EIF2AK4: variants seen among roughly 807,000 people sequenced by gnomAD.
EIF2AK4 encodes eukaryotic translation initiation factor 2 alpha kinase 4.
In EIF2AK4, 139 loss-of-function variants were observed where a neutral mutation model predicts 211.1. That is an observed-to-expected ratio of 0.66 (90% CI 0.57 to 0.76). The LOEUF is 0.76. Ranked by LOEUF, EIF2AK4 falls within the 30% of genes least tolerant of loss-of-function variation. The pLI is 0.00. For missense variants in EIF2AK4, 1,664 were observed against 2,043.8 expected, an observed-to-expected ratio of 0.81 and a Z score of 3.58; for synonymous variants, 710 against 751.3, an observed-to-expected ratio of 0.94 and a Z score of 0.90.
chr15:40,032,659 T>G, intron 36 of EIF2AK4, 98 bp from the exon 37 acceptor site: 2 of 1,127,338 alleles, frequency 1.8e-6, no homozygotes, highest in Non-Finnish European at 2.6e-6. Flanking sequence ...TCTCAGACTC[T>G]GCAAACCCTA....
intron 32 of EIF2AK4, among the ~76,000 whole-genome samples, chr15:40,024,591 G>C (rs1595436508): frequency 6.6e-6 from 1 of 150,950 alleles, no homozygotes. Context: ...GTAGAGACAG[G>C]GTTTCACCAT....
chr15:39,987,949 T>G, intron 14 of EIF2AK4, 34 bp from the exon 15 acceptor site: 1 of 1,610,042 alleles, frequency 6.2e-7, no homozygotes. Flanking sequence ...AAAACTGTTG[T>G]GTAATCAAAT....
intron 1 of EIF2AK4, among the ~76,000 whole-genome samples, chr15:39,938,966 C>T (rs1261169797): frequency 6.6e-6 from 1 of 152,188 alleles, no homozygotes; most frequent in African/African-American, 2.4e-5. Context: ...AAAACATATG[C>T]AATTCTCTCC....
chr15:39,969,078 T>C (rs16970098), intron 9 of EIF2AK4, among the ~76,000 whole-genome samples: 10,771 of 152,100 alleles, frequency 0.071, 739 homozygotes, highest in Admixed American at 0.2. Context: ...AAATGACAAA[T>C]ATGATGATAG....
chr15:39,973,693 A>G lies in EIF2AK4; in HGVS notation c.1762A>G (p.Ile588Val). The change falls in exon 11 of 39, where the codon ATT (isoleucine) becomes GTT (valine). Residue 588 changes from isoleucine to valine, a missense_variant. Transcript: ENST00000263791. ...ACAGAGACAGTTTTCCCGATACTTCATTGAGTTTGAAGAATTACAACTTCT... is the reference window on the plus strand; with the variant it reads ...ACAGAGACAGTTTTCCCGATACTTCGTTGAGTTTGAAGAATTACAACTTCT... ...ETQRQFSRYF[I>V]EFEELQLLGK... The G allele has an allele frequency of 1.2e-6, 2 of 1,614,168 alleles. No individual in the cohort carries two copies. Among genetic ancestry groups the G allele is most frequent in the Non-Finnish European group, 1.7e-6 (2 of 1,179,998 alleles).
chr15:40,026,118 G>A, intron 33 of EIF2AK4, 29 bp downstream of exon 33: 1 of 1,586,868 alleles, frequency 6.3e-7, no homozygotes, highest in Non-Finnish European at 8.6e-7. Context: ...GCCGAGAAAA[G>A]TGACTTCAGT....
At chr15:39,978,581 T>C (rs898378857) in intron 13 of EIF2AK4, among the ~76,000 whole-genome samples, 2 of 152,242 alleles carry the variant, frequency 1.3e-5, no homozygotes, top group African/African-American at 4.8e-5. Flanking sequence ...AACAGTGTTT[T>C]CACACTGTGT....
At chr15:40,020,832 A>T (rs2035377005) in intron 30 of EIF2AK4, 67 bp from the exon 31 acceptor site, 1 of 1,439,868 alleles carries the variant, frequency 6.9e-7, no homozygotes, top group Admixed American at 2.1e-5. Context: ...TCCCCTCCTG[A>T]TGCTGGTTTC....
At chr15:39,954,081 T>TA in intron 5 of EIF2AK4, 97 bp downstream of exon 5, 1 of 1,015,520 alleles carries the variant, frequency 9.8e-7, no homozygotes, top group Non-Finnish European at 1.4e-6. Flanking sequence ...TAATACAGCT[T>TA]AAAATAAAGC....
At position 39,998,664 on chromosome 15, in the gene EIF2AK4, A is replaced by G. The variant is rs924096781; in HGVS notation, c.2869-67A>G. On this transcript the variant is annotated intron_variant, in intron 19 of 38. Transcript: ENST00000263791. ...ATTTCTGTATTTGATTTTCTTACTT[A>G]TGGTGAATAAATGCTTTCACTGTGG... is the stretch of plus-strand genomic sequence containing the variant. 2.4e-6 allele frequency: 3 copies of G among 1,246,196 alleles called. No individual in the cohort carries two copies. The East Asian group carries it at 7.1e-5, about 29-fold the overall frequency. 77.2% of individuals were successfully genotyped at this position (1,246,196 alleles called of 1,614,324 possible).
intron 23 of EIF2AK4, among the ~76,000 whole-genome samples, chr15:40,005,129 G>A (rs938173905): frequency 1.3e-5 from 2 of 152,176 alleles, no homozygotes; most frequent in Admixed American, 6.5e-5. Flanking sequence ...AGGAGGATGC[G>A]CATAGGCTAT....
chr15:40,016,978 T>C (rs987175769), intron 28 of EIF2AK4, 130 bp from the exon 29 acceptor site: 1 of 1,228,102 alleles, frequency 8.1e-7, no homozygotes, highest in Non-Finnish European at 1.1e-6. Flanking sequence ...GAGCTAGATC[T>C]TACTGAATAT....
At chr15:39,939,423 G>T in intron 1 of EIF2AK4, 82 bp from the exon 2 acceptor site, 1 of 721,600 alleles carries the variant, frequency 1.4e-6, no homozygotes, top group Non-Finnish European at 2.1e-6. Context: ...TAGAACTTTT[G>T]ATCTAAAATG....
At chr15:40,020,856 C>A in intron 30 of EIF2AK4, 43 bp from the exon 31 acceptor site, 1 of 1,532,792 alleles carries the variant, frequency 6.5e-7, no homozygotes, top group Non-Finnish European at 8.8e-7. Context: ...TCCATGCCTG[C>A]AGTCTTGCTC....
intron 13 of EIF2AK4, among the ~76,000 whole-genome samples, chr15:39,982,423 C>T (rs1313452092): frequency 1.3e-5 from 2 of 152,162 alleles, no homozygotes; most frequent in Non-Finnish European, 2.9e-5. Flanking sequence ...TGTTTAATAC[C>T]TGCCTATTTT....
intron 1 of EIF2AK4, among the ~76,000 whole-genome samples, chr15:39,937,605 G>C (rs1333806441): frequency 1.3e-5 from 2 of 151,734 alleles, no homozygotes; most frequent in Admixed American, 1.3e-4. Flanking sequence ...TGGTCCCTGT[G>C]GGTTTTTTTT....
chr15:39,980,322 T>C (rs2034763753), intron 13 of EIF2AK4, among the ~76,000 whole-genome samples: 2 of 152,184 alleles, frequency 1.3e-5, no homozygotes, highest in Admixed American at 1.3e-4. Flanking sequence ...TCCATCAAGC[T>C]GAAAATCTAT....
At position 40,035,034 on chromosome 15, in the gene EIF2AK4, G is replaced by A. The variant is rs754846408; in HGVS notation, c.4900G>A (p.Val1634Met). The A allele has an allele frequency of 1.3e-6, 2 of 1,581,980 alleles. No homozygotes were observed. Among genetic ancestry groups the A allele is most frequent in the Non-Finnish European group, 1.7e-6 (2 of 1,165,382 alleles). ...YNIKVEKKVS[V>M]LFLYSYRDDY... is the part of the protein sequence containing the mutation. ...TTTTCTTTTCTTTTGCAGGGTGTCT[G>A]TGCTATTTCTGTACAGCTATAGAGA... The change falls in exon 39 of 39, where the codon GTG (valine) becomes ATG (methionine). Residue 1634 changes from valine to methionine, a missense_variant. Transcript: ENST00000263791.
At chr15:39,978,183 G>GAATAAAA in intron 13 of EIF2AK4, 36 bp downstream of exon 13, 3 of 1,252,376 alleles carry the variant, frequency 2.4e-6, no homozygotes, top group Non-Finnish European at 3.4e-6. Context: ...CATTTTATTC[G>GAATAAAA]TGATATAATT....
Sources: allele counts gnomAD v4.1 joint callset (sites outside exome capture counted in the v4.1 genomes callset), GRCh38; gene constraint gnomAD v4.1.1; transcripts MANE v1.5; gene names NCBI Gene and HGNC (gene_info 2026-07-23, HGNC 2026-07-21).